Variants in ARMC1 observed in about 807,000 individuals in gnomAD.
The protein encoded by ARMC1 is armadillo repeat-containing protein 1.
In ARMC1, 16 loss-of-function variants were observed where a neutral mutation model predicts 31.4. The observed-to-expected ratio is 0.51, with a 90% CI of 0.34 to 0.77. The LOEUF (loss-of-function observed/expected upper bound fraction) is 0.77. Among genes scored for constraint, ARMC1 ranks in the 30% least tolerant of loss-of-function variants. ARMC1 has a pLI of 0.01. For synonymous variants in ARMC1, 114 were observed against 118.9 expected, an observed-to-expected ratio of 0.96 and a Z score of 0.27; for missense variants, 259 against 347.5, an observed-to-expected ratio of 0.75 and a Z score of 2.02.
rs763968681 is a variant in ARMC1 at position 65,604,466 on chromosome 8, G to A, written c.777C>T (p.Gly259=). 2.5e-6 allele frequency: 4 copies of A among 1,614,186 alleles called. No homozygotes were observed. In the East Asian group the frequency reaches 6.7e-5, roughly 27 times the overall value. ...AGCTAGCTCCACCTTCTGGGTGTGA[G>A]CCGACCCGGGACACCGCTTTGTCCT... is the stretch of plus-strand genomic sequence containing the variant. ...KEQDKAVSRV[G]SHPEGGASWL... is the part of the protein sequence containing the mutation. The change falls in exon 7 of 7, where the codon GGC becomes GGT. Residue 259 remains glycine, a synonymous_variant. Transcript: ENST00000276569.
intron 3 of ARMC1, among the ~76,000 whole-genome samples, chr8:65,613,722 T>G (rs927721493): frequency 2.0e-5 from 3 of 152,182 alleles, no homozygotes; most frequent in Non-Finnish European, 4.4e-5. Context: ...ACCCAGCACT[T>G]TGGGAGGCCA....
intron 4 of ARMC1, among the ~76,000 whole-genome samples, chr8:65,609,580 C>T (rs547598049): frequency 6.6e-6 from 1 of 152,212 alleles, no homozygotes; most frequent in South Asian, 2.1e-4. Flanking sequence ...AGCTGTGGGC[C>T]AGGCGCCATG....
intron 1 of ARMC1, among the ~76,000 whole-genome samples, chr8:65,631,622 G>A (rs540964137): frequency 2.0e-5 from 3 of 152,314 alleles, no homozygotes; most frequent in Admixed American, 2.0e-4. Flanking sequence ...GAACAGTTAG[G>A]AAACTGAAAA....
In ARMC1 at chr8:65,605,337, C is replaced by T. The variant is rs1807980402; in HGVS notation, c.583G>A (p.Ala195Thr). The change falls in exon 6 of 7, where the codon GCT (alanine) becomes ACT (threonine). Residue 195 changes from alanine (A) to threonine (T), a missense_variant and splice_region_variant. Around this residue, in one of 3 missense-constraint regions of ARMC1, gnomAD observed 23 missense variants for 60.8 expected, o/e 0.38. Coordinates refer to ENST00000276569, the MANE Select transcript of ARMC1 (RefSeq NM_018120.6). ...GTTGATGCTATTGCTGATGCCAAAGCCTAAGCCAAGATAAAAAGGAACAAT... is the reference window on the plus strand; with the variant it reads ...GTTGATGCTATTGCTGATGCCAAAGTCTAAGCCAAGATAAAAAGGAACAAT... ...VRIRSDLKAE[A>T]LASAIASTKV... is the part of the protein sequence containing the mutation. The T allele has an allele frequency of 6.2e-7, 1 of 1,613,724 alleles. No homozygotes were observed.
chr8:65,618,351 T>C (rs1387670398), intron 3 of ARMC1, among the ~76,000 whole-genome samples: 1 of 151,174 alleles, frequency 6.6e-6, no homozygotes, highest in African/African-American at 2.4e-5. Flanking sequence ...TGAAACCCCA[T>C]CTCTACTAAA....
At chr8:65,629,009 C>T (rs1808576943) in intron 1 of ARMC1, among the ~76,000 whole-genome samples, 1 of 151,962 alleles carries the variant, frequency 6.6e-6, no homozygotes, top group African/African-American at 2.4e-5. Context: ...CAAAAATTAG[C>T]TGGGCTTGGT....
chr8:65,628,391 A>ATTTTTTTTTTTTTTTTTTTTTTTTTTT (rs763494218), intron 1 of ARMC1, among the ~76,000 whole-genome samples: 1 of 78,810 alleles, frequency 1.3e-5, no homozygotes, highest in Non-Finnish European at 2.4e-5. Flanking sequence ...CGCCCGGCTA[A>ATTTTTTTTTTTTTTTTTTTTTTTTTTT]TTTTTTTTTT....
chr8:65,605,619 G>C (rs187983717), intron 4 of ARMC1, 81 bp from the exon 5 acceptor site: 2 of 979,088 alleles, frequency 2.0e-6, no homozygotes, highest in Non-Finnish European at 3.2e-6. Context: ...ATATTTTGGA[G>C]GGGGGAAGAG....
chr8:65,615,480 G>A (rs1320055303), intron 3 of ARMC1, among the ~76,000 whole-genome samples: 1 of 151,500 alleles, frequency 6.6e-6, no homozygotes, highest in Non-Finnish European at 1.5e-5. Context: ...TGAGGTGGGT[G>A]GATCACCTGA....
At chr8:65,608,890 G>A (rs142405828) in intron 4 of ARMC1, among the ~76,000 whole-genome samples, 98 of 152,068 alleles carry the variant, frequency 6.4e-4, no homozygotes, top group African/African-American at 2.2e-3. Flanking sequence ...CAGCCTGGGC[G>A]ACAGAGTGAG....
chr8:65,617,617 TAA>T (rs879915422), intron 3 of ARMC1, among the ~76,000 whole-genome samples: 12 of 145,698 alleles, frequency 8.2e-5, no homozygotes, highest in Non-Finnish European at 7.6e-5. Flanking sequence ...AATGATCAAT[TAA>T]AAAAAAAAAA....
intron 2 of ARMC1, among the ~76,000 whole-genome samples, chr8:65,624,209 C>G (rs1808463296): frequency 1.3e-5 from 2 of 151,892 alleles, no homozygotes; most frequent in African/African-American, 4.8e-5. Context: ...ATATAAAAGA[C>G]CTTTTTTTGC....
intron 2 of ARMC1, among the ~76,000 whole-genome samples, chr8:65,622,863 G>A (rs2129043377): frequency 6.6e-6 from 1 of 151,884 alleles, no homozygotes; most frequent in East Asian, 1.9e-4. Flanking sequence ...AAAATTAGCT[G>A]GATGTGGTAG....
chr8:65,604,459 G>C lies in ARMC1; in HGVS notation c.784C>G (p.Pro262Ala). The change falls in exon 7 of 7, where the codon CCA becomes GCA. Residue 262 changes from proline (P) to alanine (A), a missense_variant. Pro to Ala is a conservative substitution (Grantham distance 27). Transcript: ENST00000276569. ...DKAVSRVGSHPEGGASWLSTA... is the reference protein window; with the variant it reads ...DKAVSRVGSHAEGGASWLSTA... ...CTAAGCCAGCTAGCTCCACCTTCTG[G>C]GTGTGAGCCGACCCGGGACACCGCT... 6.2e-7 allele frequency: 1 copy of C among 1,614,106 alleles called. No homozygotes were observed. The highest frequency in any genetic ancestry group is 8.5e-7 in the Non-Finnish European group (1 of 1,180,026).
chr8:65,618,422 C>T (rs983306245), intron 3 of ARMC1, among the ~76,000 whole-genome samples: 8 of 148,970 alleles, frequency 5.4e-5, no homozygotes, highest in African/African-American at 1.5e-4. Flanking sequence ...CTCGGGAGGC[C>T]GAGGCAGGAG....
chr8:65,607,074 C>G (rs1046388212), intron 4 of ARMC1, among the ~76,000 whole-genome samples: 2 of 152,220 alleles, frequency 1.3e-5, no homozygotes, highest in African/African-American at 4.8e-5. Context: ...AAACTTATTT[C>G]CACATCCTTC....
intron 1 of ARMC1, chr8:65,633,767 A>G (rs1049651263): frequency 1.3e-5 from 2 of 152,440 alleles, no homozygotes; most frequent in Middle Eastern, 3.4e-3. Context: ...TACTGGGGTT[A>G]GTAAAAGTCA....
intron 6 of ARMC1, 93 bp from the exon 7 acceptor site, chr8:65,604,678 A>G (rs986612834): frequency 2.1e-5 from 23 of 1,111,646 alleles, no homozygotes; most frequent in Non-Finnish European, 2.7e-5. Context: ...TTCCTCTTAC[A>G]TGACAGTAGG....
chr8:65,632,859 C>T (rs1173264056), intron 1 of ARMC1: 1 of 152,180 alleles, frequency 6.6e-6, no homozygotes, highest in East Asian at 1.9e-4. Flanking sequence ...ACCATAGCCT[C>T]ACTAACAAAT....
Sources: gnomAD v4.1 joint callset for allele counts (sites outside exome capture counted in the v4.1 genomes callset) on GRCh38, gnomAD v4.1.1 for gene constraint, gnomAD v4.1.1 regional missense constraint, MANE v1.5 for transcripts, NCBI Gene and HGNC (gene_info 2026-07-23, HGNC 2026-07-21) for gene names.